Variants in KIF16B observed in about 807,000 individuals in gnomAD.
KIF16B encodes the protein kinesin-like protein KIF16B.
Under a neutral mutation model 156.3 loss-of-function variants are expected in KIF16B, and 98 were observed. The observed-to-expected ratio is 0.63, with a 90% CI of 0.53 to 0.74. The LOEUF is 0.74. Among genes scored for constraint, KIF16B ranks in the 30% least tolerant of loss-of-function variants. KIF16B has a pLI of 0.00. For missense variants in KIF16B, 1,421 were observed against 1,606.5 expected (o/e 0.88, Z 1.97); for synonymous variants, 564 against 583.7 (o/e 0.97, Z 0.49).
intron 24 of KIF16B, among the ~76,000 whole-genome samples, chr20:16,334,239 C>T (rs532195318): frequency 1.6e-4 from 25 of 152,276 alleles, no homozygotes; most frequent in Non-Finnish European, 2.6e-4. Context: ...TAATTAAATA[C>T]GCAAAATCCG....
At chr20:16,369,711 C>T (rs1405894823) in intron 22 of KIF16B, among the ~76,000 whole-genome samples, 2 of 152,214 alleles carry the variant, frequency 1.3e-5, no homozygotes, top group African/African-American at 4.8e-5. Flanking sequence ...AGTGTTCTAA[C>T]CCAGGTTACA....
At chr20:16,398,571 TG>T (rs2065571471) in intron 17 of KIF16B, among the ~76,000 whole-genome samples, 1 of 152,212 alleles carries the variant, frequency 6.6e-6, no homozygotes, top group African/African-American at 2.4e-5. Context: ...CAACATTTGC[TG>T]CTCCTCATGT....
intron 23 of KIF16B, among the ~76,000 whole-genome samples, chr20:16,346,817 G>C (rs1032863983): frequency 1.3e-5 from 2 of 152,174 alleles, no homozygotes; most frequent in African/African-American, 4.8e-5. Flanking sequence ...AAGCAGGTGA[G>C]GTATACGGGG....
At chr20:16,476,462 TTTG>T (rs1404718938) in intron 12 of KIF16B, among the ~76,000 whole-genome samples, 1 of 152,216 alleles carries the variant, frequency 6.6e-6, no homozygotes, top group Non-Finnish European at 1.5e-5. Context: ...GTCAGAGGAT[TTTG>T]CAGACATTAA....
intron 25 of KIF16B, among the ~76,000 whole-genome samples, chr20:16,283,894 T>C (rs1422414345): frequency 6.6e-6 from 1 of 152,216 alleles, no homozygotes; most frequent in African/African-American, 2.4e-5. Flanking sequence ...ACTGGGGTCC[T>C]GCCTGAGGTT....
rs540220394 is a variant in KIF16B at position 16,544,427 on chromosome 20, C to T, written c.48-15987G>A. Among the ~76,000 whole-genome samples, 21 of 151,964 alleles carry T rather than the reference C, an allele frequency of 1.4e-4. No individual in the cohort carries two copies. In the South Asian group the frequency reaches 1.7e-3, roughly 12 times the overall value. ...GAATTCGAGACCAGCCTGGCCACCA[C>T]GGTGAAACCCCGTCTCTACTAAAAA... On this transcript the variant is annotated intron_variant, in intron 1 of 25. Coordinates refer to ENST00000354981, the MANE Select transcript of KIF16B (RefSeq NM_024704.5).
chr20:16,464,188 G>A (rs1292467526), intron 12 of KIF16B, among the ~76,000 whole-genome samples: 1 of 152,004 alleles, frequency 6.6e-6, no homozygotes. Context: ...CACACTGGAG[G>A]CATTTTTAAA....
intron 17 of KIF16B, among the ~76,000 whole-genome samples, chr20:16,403,174 G>A (rs778146497): frequency 6.6e-6 from 1 of 152,144 alleles, no homozygotes; most frequent in Admixed American, 6.5e-5. Context: ...CTGGGTCCTG[G>A]GCCAGGAGAC....
chr20:16,386,203 A>T (rs1189540613), intron 17 of KIF16B, among the ~76,000 whole-genome samples: 1 of 152,180 alleles, frequency 6.6e-6, no homozygotes, highest in African/African-American at 2.4e-5. Context: ...GCAAAGTCAG[A>T]AAGATTACAG....
chr20:16,444,561 A>C (rs2066884089), intron 12 of KIF16B, among the ~76,000 whole-genome samples: 1 of 152,192 alleles, frequency 6.6e-6, no homozygotes, highest in Admixed American at 6.5e-5. Flanking sequence ...GCGGGCCAAG[A>C]AGAAGGAACT....
At chr20:16,552,912 C>T (rs1156862945) in intron 1 of KIF16B, among the ~76,000 whole-genome samples, 1 of 151,986 alleles carries the variant, frequency 6.6e-6, no homozygotes, top group Non-Finnish European at 1.5e-5. Context: ...ATTACAGGTG[C>T]CTGCCACTAC....
intron 10 of KIF16B, among the ~76,000 whole-genome samples, chr20:16,501,870 AAAG>A (rs1398047246): frequency 6.6e-6 from 1 of 152,182 alleles, no homozygotes; most frequent in Non-Finnish European, 1.5e-5. Flanking sequence ...TAGTTCCTGA[AAAG>A]AAGGATTAAG....
intron 17 of KIF16B, among the ~76,000 whole-genome samples, chr20:16,383,407 T>C (rs553997767): frequency 6.6e-5 from 10 of 152,292 alleles, no homozygotes; most frequent in Non-Finnish European, 1.3e-4. Context: ...ATGTTCAAAT[T>C]TGTGATATTA....
rs142446166 is a variant in KIF16B at position 16,309,826 on chromosome 20, T to C, written c.3795+2509A>G. ...ATCCATATGTGTTTATGTATTTATATATATGACTAGGTAAAGTTTCATATA... is the reference window on the plus strand; with the variant it reads ...ATCCATATGTGTTTATGTATTTATACATATGACTAGGTAAAGTTTCATATA... On this transcript the variant is annotated intron_variant, in intron 25 of 25. Coordinates refer to ENST00000354981, the MANE Select transcript of KIF16B (RefSeq NM_024704.5). Among the ~76,000 whole-genome samples the C allele has an allele frequency of 2.0e-4, 31 of 152,342 alleles. No individual in the cohort carries two copies. The East Asian group carries it at 4.2e-3, about 21-fold the overall frequency.
At chr20:16,571,903 G>T (rs1202483221) in intron 1 of KIF16B, among the ~76,000 whole-genome samples, 2 of 152,082 alleles carry the variant, frequency 1.3e-5, no homozygotes, top group African/African-American at 4.8e-5. Context: ...TGGCTCCCAG[G>T]CATGAGCCAC....
At chr20:16,503,033 G>A (rs1445592940) in intron 10 of KIF16B, among the ~76,000 whole-genome samples, 2 of 152,252 alleles carry the variant, frequency 1.3e-5, no homozygotes, top group African/African-American at 2.4e-5. Flanking sequence ...TGGTCACGTC[G>A]TGAAACCCCG....
intron 1 of KIF16B, among the ~76,000 whole-genome samples, chr20:16,529,888 T>C (rs1600636573): frequency 6.6e-6 from 1 of 152,016 alleles, no homozygotes; most frequent in Admixed American, 6.6e-5. Flanking sequence ...GAGGCAGAGG[T>C]TGCAGTGAGC....
chr20:16,289,490 A>C (rs2063280800), intron 25 of KIF16B, among the ~76,000 whole-genome samples: 1 of 152,224 alleles, frequency 6.6e-6, no homozygotes, highest in Non-Finnish European at 1.5e-5. Context: ...AAATCACCTC[A>C]TATCAGATAC....
At chr20:16,381,818 C>T in intron 17 of KIF16B, 71 bp from the exon 18 acceptor site, 1 of 1,261,524 alleles carries the variant, frequency 7.9e-7, no homozygotes, top group South Asian at 1.3e-5. Context: ...TCTCTGTATA[C>T]AGAGTCACAT....
Sources: gnomAD v4.1 joint callset for allele counts (sites outside exome capture counted in the v4.1 genomes callset) on GRCh38, gnomAD v4.1.1 for gene constraint, MANE v1.5 for transcripts, NCBI Gene and HGNC (gene_info 2026-07-23, HGNC 2026-07-21) for gene names.